PDE4A: variants seen among roughly 807,000 people sequenced by gnomAD.
PDE4A encodes 3',5'-cyclic-AMP phosphodiesterase 4A.
PDE4A carries 21 observed loss-of-function variants against 73.9 expected under a neutral mutation model. The observed-to-expected ratio is 0.28, with a 90% CI of 0.20 to 0.41. The LOEUF (loss-of-function observed/expected upper bound fraction) is 0.41, where lower values mean the gene tolerates loss of function less well. PDE4A is among the 10% of genes least tolerant of loss of function. The pLI, the probability that PDE4A is intolerant of heterozygous loss-of-function variation, is 1.00. For synonymous variants in PDE4A, 463 were observed against 505.4 expected (o/e 0.92, Z 1.13); for missense variants, 958 against 1,211.4 (o/e 0.79, Z 3.10).
rs1035095960 is a variant in PDE4A, at chr19:10,468,523, G to A, written c.*902G>A. 1.7e-5 allele frequency: 2 copies of A among 120,634 alleles called. No homozygotes were observed. The highest frequency in any genetic ancestry group is 6.8e-5 in the African/African-American group (2 of 29,494). 7.5% of individuals were successfully genotyped at this position (120,634 alleles called of 1,614,324 possible). On this transcript the variant is annotated 3_prime_UTR_variant, in exon 15 of 15. Transcript: ENST00000380702. ...CCCACTTCTAGCTGCTTCTCCTCTT[G>A]TTTCTGCCTTAATAATTCCCACGGC...
intron 1 of PDE4A, among the ~76,000 whole-genome samples, chr19:10,425,158 A>C (rs753086723): frequency 6.6e-6 from 1 of 151,662 alleles, no homozygotes; most frequent in African/African-American, 2.4e-5. Flanking sequence ...CGGGAGGCAG[A>C]GGTTGCAGTG....
At chr19:10,426,652 C>T in intron 1 of PDE4A, among the ~76,000 whole-genome samples, 1 of 151,752 alleles carries the variant, frequency 6.6e-6, no homozygotes, top group East Asian at 1.9e-4. Flanking sequence ...AGGTGGATTA[C>T]TTGAGGCCAG....
At chr19:10,433,162 C>A (rs1302013373) in intron 1 of PDE4A, among the ~76,000 whole-genome samples, 2 of 152,064 alleles carry the variant, frequency 1.3e-5, no homozygotes, top group African/African-American at 2.4e-5. Context: ...CTAACACAGA[C>A]ACACACACAG....
chr19:10,430,870 G>T (rs2042778640), intron 1 of PDE4A: 1 of 1,409,778 alleles, frequency 7.1e-7, no homozygotes. Flanking sequence ...GGCCTAGGCC[G>T]CATCCCGGAG....
At chr19:10,463,687 C>T (rs948883685) in intron 13 of PDE4A, 106 bp from the exon 14 acceptor site, 8 of 1,547,374 alleles carry the variant, frequency 5.2e-6, no homozygotes, top group Non-Finnish European at 6.1e-6. Context: ...AGGCGTGAGC[C>T]ACAGTGCCTG....
At chr19:10,418,747 C>T (rs1599391561), upstream of PDE4A, 1 of 985,336 alleles carries the variant, frequency 1.0e-6, no homozygotes, top group Non-Finnish European at 1.2e-6. Context: ...CCACCCACCT[C>T]ACATTACGCA....
In PDE4A at chr19:10,461,959, C is replaced by T. The variant is rs1244908668; in HGVS notation, c.1703C>T (p.Ser568Leu). ...GTGGAGACCAAGAAAGTGACCAGCT[C>T]AGGGGTCCTCCTGCTAGATAACTAC... is the stretch of plus-strand genomic sequence containing the variant. ...TMVETKKVTS[S>L]GVLLLDNYSD... The change falls in exon 13 of 15, where the codon TCA becomes TTA. Residue 568 changes from serine to leucine, a missense_variant. By Grantham distance (145) the Ser-to-Leu change is moderately radical (BLOSUM62 -2). Around this residue, in one of 3 missense-constraint regions of PDE4A, gnomAD observed 570 missense variants for 827.7 expected, o/e 0.69. Transcript: ENST00000380702. 1.2e-6 allele frequency: 2 copies of T among 1,614,048 alleles called. No homozygotes were observed. Among genetic ancestry groups the T allele is most frequent in the Admixed American group, 1.7e-5 (1 of 60,002 alleles).
intron 1 of PDE4A, among the ~76,000 whole-genome samples, chr19:10,426,529 A>AC (rs2042720549): frequency 6.6e-6 from 1 of 152,102 alleles, no homozygotes; most frequent in Non-Finnish European, 1.5e-5. Context: ...TGCCATAGAC[A>AC]CATTCCCTGC....
chr19:10,459,865 T>C, intron 10 of PDE4A, 106 bp downstream of exon 10: 1 of 1,279,878 alleles, frequency 7.8e-7, no homozygotes. Context: ...CATCTCTCTT[T>C]GACGCCATTT....
chr19:10,460,179 G>A (rs1446906023), intron 10 of PDE4A, among the ~76,000 whole-genome samples: 3 of 151,034 alleles, frequency 2.0e-5, no homozygotes, highest in Admixed American at 6.6e-5. Context: ...CACTGTGCCC[G>A]GTCAAAAATC....
At chr19:10,443,063 C>T (rs892828366) in intron 1 of PDE4A, among the ~76,000 whole-genome samples, 1 of 151,942 alleles carries the variant, frequency 6.6e-6, no homozygotes, top group African/African-American at 2.4e-5. Context: ...CCTATAGTCC[C>T]AGCCACTCCC....
At chr19:10,421,738 G>T (rs568740636) in intron 1 of PDE4A, among the ~76,000 whole-genome samples, 1 of 152,184 alleles carries the variant, frequency 6.6e-6, no homozygotes, top group African/African-American at 2.4e-5. Flanking sequence ...GTGGAGGGGG[G>T]GCGCAGTCCC....
At chr19:10,428,865 G>C in intron 1 of PDE4A, 3 of 985,426 alleles carry the variant, frequency 3.0e-6, no homozygotes, top group Non-Finnish European at 3.6e-6. Context: ...GGGCGCAGTG[G>C]CTCACACGGG....
chr19:10,442,817 T>C (rs983418204), intron 1 of PDE4A, among the ~76,000 whole-genome samples: 3 of 148,732 alleles, frequency 2.0e-5, no homozygotes, highest in Non-Finnish European at 4.5e-5. Flanking sequence ...TAATATTACA[T>C]ATATAATATC....
At chr19:10,421,259 C>CT in intron 1 of PDE4A, 175 bp downstream of exon 1, 2 of 985,290 alleles carry the variant, frequency 2.0e-6, no homozygotes, top group South Asian at 9.4e-5. Flanking sequence ...GTGCGCTCTA[C>CT]GGGAGGCTTC....
upstream of PDE4A, chr19:10,418,966 G>T (rs911670737): frequency 5.4e-5 from 53 of 984,788 alleles, no homozygotes; most frequent in Non-Finnish European, 6.4e-5. Flanking sequence ...GGCTGCTGAT[G>T]GGGGGGCCGG....
chr19:10,431,172 TC>T, intron 1 of PDE4A: 2 of 916,710 alleles, frequency 2.2e-6, no homozygotes, highest in East Asian at 3.3e-5. Context: ...GCTCACTCTC[TC>T]CAGCCTCACT....
At position 10,420,911 on chromosome 19, in the gene PDE4A, C is replaced by A; in HGVS notation, c.147C>A (p.Ser49=). 1 of 1,585,126 alleles carries A rather than the reference C, an allele frequency of 6.3e-7. No individual in the cohort carries two copies. Residue 49 remains serine (S), a synonymous_variant, in exon 1 of 15, where the codon TCC becomes TCA. Transcript: ENST00000380702. This position sits in a 1 kb window ranked among gnomAD's most constrained non-coding sequence, Gnocchi z 6.0. ...TPIRIQQRGY[S]DSAERAERER... The stretch of plus-strand genomic sequence containing the variant: ...TCCGTATCCAGCAGCGCGGCTACTC[C>A]GACAGCGCGGAGCGCGCCGAGCGGG...
Position 10,453,844 on chromosome 19 carries a change from T to C in PDE4A, c.784-985T>C, listed in dbSNP as rs886586225. Among the ~76,000 whole-genome samples the C allele has an allele frequency of 6.6e-6, 1 of 151,978 alleles. No individual in the cohort carries two copies. Among genetic ancestry groups the C allele is most frequent in the African/African-American group, 2.4e-5 (1 of 41,352 alleles). On this transcript the variant is annotated intron_variant, in intron 6 of 14. Coordinates refer to ENST00000380702, the MANE Select transcript of PDE4A (RefSeq NM_001111307.2). The surrounding 1 kb of genome is among the most constrained non-coding windows in gnomAD (Gnocchi z 4.6). Reference sequence around the variant, plus strand: ...GGTTGTGTGAGATTTTGTGGGTCCATCTTGTGTGGATGTGTGTGTCTCTGT... The same window carrying C: ...GGTTGTGTGAGATTTTGTGGGTCCACCTTGTGTGGATGTGTGTGTCTCTGT...
Sources: gnomAD v4.1 joint callset for allele counts (sites outside exome capture counted in the v4.1 genomes callset) on GRCh38, gnomAD v4.1.1 for gene constraint, gnomAD v4.1.1 regional missense constraint, Gnocchi (gnomAD v3.1) non-coding constraint, MANE v1.5 for transcripts, NCBI Gene and HGNC (gene_info 2026-07-23, HGNC 2026-07-21) for gene names.